GRAMD1B: variants seen among roughly 807,000 people sequenced by gnomAD.
GRAMD1B encodes GRAM domain containing 1B.
Under a neutral mutation model 99.7 loss-of-function variants are expected in GRAMD1B, and 37 were observed. The observed-to-expected ratio is 0.37, with a 90% CI of 0.29 to 0.49. GRAMD1B has a LOEUF of 0.49. GRAMD1B is among the 20% of genes least tolerant of loss of function. The pLI is 0.98. For missense variants in GRAMD1B, 888 were observed against 1,009.2 expected (o/e 0.88, Z 1.63); for synonymous variants, 427 against 387.6 (o/e 1.10, Z -1.19).
intron 1 of GRAMD1B, among the ~76,000 whole-genome samples, chr11:123,470,304 G>A (rs955660609): frequency 6.6e-6 from 1 of 152,060 alleles, no homozygotes; most frequent in African/African-American, 2.4e-5. Flanking sequence ...TTCTTATTTA[G>A]AAGACAGTTA....
rs752778369 is a variant in GRAMD1B at position 123,609,931 on chromosome 11, T to C, written c.1776+18T>C. The C allele has an allele frequency of 1.5e-6, 2 of 1,343,748 alleles. No individual in the cohort carries two copies. Among genetic ancestry groups the C allele is most frequent in the Non-Finnish European group, 2.1e-6 (2 of 950,810 alleles). The allele number at this position is 1,343,748 out of a possible 1,614,324, so 83.2% of individuals were successfully genotyped here. On this transcript the variant is annotated intron_variant, in intron 13 of 19. Transcript: ENST00000635736. Reference sequence around the variant, plus strand: ...AGACACAGGTGAGCAGAGCCGCGGATGCACAGAAGAGCGAGCTGGAAAATC... The same window carrying C: ...AGACACAGGTGAGCAGAGCCGCGGACGCACAGAAGAGCGAGCTGGAAAATC...
chr11:123,387,953 A>T (rs1291269490), intron 1 of GRAMD1B, among the ~76,000 whole-genome samples: 1 of 150,934 alleles, frequency 6.6e-6, no homozygotes, highest in Non-Finnish European at 1.5e-5. Flanking sequence ...GCAAAACCCC[A>T]TCTCTACTAA....
upstream of GRAMD1B, among the ~76,000 whole-genome samples, chr11:123,427,295 T>A (rs371888359): frequency 7.2e-5 from 11 of 152,306 alleles, no homozygotes; most frequent in African/African-American, 2.6e-4. Context: ...GAGTTCCAAT[T>A]CTGGCCTTGT....
chr11:123,397,964 C>T (rs139015954), intron 1 of GRAMD1B, among the ~76,000 whole-genome samples: 35 of 152,148 alleles, frequency 2.3e-4, no homozygotes, highest in East Asian at 2.1e-3. Flanking sequence ...TTGGGTATAC[C>T]ATAATTTATC....
intron 1 of GRAMD1B, among the ~76,000 whole-genome samples, chr11:123,417,397 G>C (rs145777514): frequency 6.8e-4 from 103 of 152,218 alleles, no homozygotes; most frequent in African/African-American, 2.4e-3. Context: ...AAAAGAATGT[G>C]TAATGGTATT....
chr11:123,488,370 A>T (rs1565293363), intron 2 of GRAMD1B, among the ~76,000 whole-genome samples: 1 of 152,104 alleles, frequency 6.6e-6, no homozygotes, highest in Non-Finnish European at 1.5e-5. Flanking sequence ...GCTGTGGAGG[A>T]TGGATACCTC....
chr11:123,359,275 C>G (rs899560282), intron 1 of GRAMD1B, among the ~76,000 whole-genome samples: 89 of 109,854 alleles, frequency 8.1e-4, no homozygotes, highest in African/African-American at 4.1e-3. Context: ...ATCAGTCTTA[C>G]GCCTATTCTG....
intron 2 of GRAMD1B, among the ~76,000 whole-genome samples, chr11:123,548,587 G>A (rs768213266): frequency 7.2e-5 from 11 of 151,730 alleles, no homozygotes; most frequent in Admixed American, 3.9e-4. Context: ...AGCTGGATTC[G>A]ATGCTTGAAA....
chr11:123,436,342 A>G (rs1949159357), intron 1 of GRAMD1B, among the ~76,000 whole-genome samples: 1 of 152,196 alleles, frequency 6.6e-6, no homozygotes, highest in African/African-American at 2.4e-5. Flanking sequence ...AAGGGTTAAC[A>G]AATGCCTATA....
intron 17 of GRAMD1B, among the ~76,000 whole-genome samples, chr11:123,616,390 A>G (rs1954387842): frequency 6.6e-6 from 1 of 152,262 alleles, no homozygotes; most frequent in South Asian, 2.1e-4. Flanking sequence ...CATCGATTTA[A>G]TGTGATTCAT....
intron 2 of GRAMD1B, among the ~76,000 whole-genome samples, chr11:123,512,290 T>A (rs1941103861): frequency 6.6e-6 from 1 of 152,194 alleles, no homozygotes; most frequent in South Asian, 2.1e-4. Flanking sequence ...GAACTAGCTC[T>A]TGAGGTTGTA....
At chr11:123,560,782 G>C (rs1946679764) in intron 2 of GRAMD1B, 1 of 447,260 alleles carries the variant, frequency 2.2e-6, no homozygotes, top group Non-Finnish European at 4.5e-6. Context: ...GCTCTGTCCT[G>C]GGGTCAGAAT....
intron 7 of GRAMD1B, chr11:123,598,279 A>G: frequency 7.4e-7 from 1 of 1,349,054 alleles, no homozygotes. Context: ...CCAGTAGGGA[A>G]TGGGTTTGCC....
At chr11:123,415,416 T>C (rs1379942304) in intron 1 of GRAMD1B, among the ~76,000 whole-genome samples, 1 of 152,104 alleles carries the variant, frequency 6.6e-6, no homozygotes, top group East Asian at 1.9e-4. Context: ...TGCCTTTTCT[T>C]TGGGCCCCAT....
chr11:123,422,725 C>A (rs1267894876), intron 1 of GRAMD1B, among the ~76,000 whole-genome samples: 1 of 152,220 alleles, frequency 6.6e-6, no homozygotes, highest in African/African-American at 2.4e-5. Context: ...TGCCTCAATG[C>A]CTCTGCACAT....
intron 3 of GRAMD1B, among the ~76,000 whole-genome samples, chr11:123,582,659 G>A (rs1949493249): frequency 1.3e-5 from 2 of 152,108 alleles, no homozygotes; most frequent in Admixed American, 6.5e-5. Flanking sequence ...CTCCTCTGTG[G>A]ACTGGTTTCA....
chr11:123,403,463 A>G (rs1276407045), intron 1 of GRAMD1B, among the ~76,000 whole-genome samples: 31 of 145,346 alleles, frequency 2.1e-4, no homozygotes, highest in South Asian at 1.1e-3. Flanking sequence ...TAATAATAAT[A>G]ATAATAATAA....
intron 1 of GRAMD1B, among the ~76,000 whole-genome samples, chr11:123,383,463 T>A (rs1946953964): frequency 6.6e-6 from 1 of 152,188 alleles, no homozygotes; most frequent in Admixed American, 6.5e-5. Context: ...CTTGCAAGGT[T>A]GATATAAGAA....
intron 7 of GRAMD1B, among the ~76,000 whole-genome samples, chr11:123,600,108 G>T (rs1470710191): frequency 2.0e-5 from 3 of 152,150 alleles, no homozygotes; most frequent in Non-Finnish European, 4.4e-5. Flanking sequence ...GTAGATTGTG[G>T]GTTTGTCTTG....
Sources: allele counts gnomAD v4.1 joint callset (sites outside exome capture counted in the v4.1 genomes callset), GRCh38; gene constraint gnomAD v4.1.1; transcripts MANE v1.5; gene names NCBI Gene and HGNC (gene_info 2026-07-23, HGNC 2026-07-21).